LONP1: variants seen among roughly 807,000 people sequenced by gnomAD.
LONP1 encodes lon peptidase 1, mitochondrial.
LONP1 carries 31 observed loss-of-function variants against 98.5 expected under a neutral mutation model. That is an observed-to-expected ratio of 0.31 (90% CI 0.24 to 0.42). LONP1 has a LOEUF of 0.42. Among genes scored for constraint, LONP1 ranks in the 20% least tolerant of loss-of-function variants. The pLI is 1.00. For synonymous variants in LONP1, 781 were observed against 594.7 expected, an observed-to-expected ratio of 1.31 and a Z score of -4.56; for missense variants, 1,336 against 1,350.6, an observed-to-expected ratio of 0.99 and a Z score of 0.17.
chr19:5,691,976 T>TCAGTTGTGGCCCAGACAGGGCCTGACATC lies in LONP1; in HGVS notation c.*55_*56insGATGTCAGGCCCTGTCTGGGCCACAACTG. On this transcript the variant is annotated 3_prime_UTR_variant, in exon 18 of 18. Coordinates refer to ENST00000360614, the MANE Select transcript of LONP1 (RefSeq NM_004793.4). ...GGTCCGGGCGCGCTCCCCACAGCGC[T>TCAGTTGTGGCCCAGACAGGGCCTGACATC]CAGTTCTGGCCCAGACAGGGCCTGA... The TCAGTTGTGGCCCAGACAGGGCCTGACATC allele has an allele frequency of 6.5e-7, 1 of 1,536,484 alleles. No individual in the cohort carries two copies.
intron 1 of LONP1, among the ~76,000 whole-genome samples, chr19:5,716,846 C>T (rs1212791056): frequency 2.0e-5 from 3 of 152,120 alleles, no homozygotes; most frequent in African/African-American, 7.2e-5. Context: ...CAGGCTAGAG[C>T]GCAGTGGAGC....
chr19:5,718,910 A>T (rs889795863), intron 1 of LONP1, among the ~76,000 whole-genome samples: 8 of 152,110 alleles, frequency 5.3e-5, no homozygotes. Flanking sequence ...ACGTGGTAGG[A>T]GGTCAAGAAC....
At chr19:5,701,813 C>T (rs1237601467) in intron 8 of LONP1, among the ~76,000 whole-genome samples, 1 of 151,206 alleles carries the variant, frequency 6.6e-6, no homozygotes, top group Non-Finnish European at 1.5e-5. Context: ...TGTGAGGAGC[C>T]CCTCTGCCTG....
At chr19:5,712,319 T>A (rs1372040421) in intron 3 of LONP1, 2 of 313,968 alleles carry the variant, frequency 6.4e-6, no homozygotes, top group Non-Finnish European at 1.2e-5. Flanking sequence ...TCGAAAACGG[T>A]GTCAGCCTGG....
chr19:5,694,335 C>T, intron 15 of LONP1, 52 bp downstream of exon 15: 3 of 1,599,140 alleles, frequency 1.9e-6, no homozygotes, highest in Non-Finnish European at 2.6e-6. Context: ...CCTGCTTGTT[C>T]TCGGGTAGAA....
intron 1 of LONP1, 104 bp downstream of exon 1, chr19:5,719,600 G>T: frequency 6.3e-7 from 1 of 1,575,084 alleles, no homozygotes. Flanking sequence ...GAAACTTCAT[G>T]TCTGAAAAAG....
chr19:5,718,601 A>C (rs2055363595), intron 1 of LONP1, among the ~76,000 whole-genome samples: 1 of 152,054 alleles, frequency 6.6e-6, no homozygotes, highest in Non-Finnish European at 1.5e-5. Flanking sequence ...TTTGTTTAGA[A>C]GAGTCTGGAG....
intron 9 of LONP1, among the ~76,000 whole-genome samples, chr19:5,699,805 G>A (rs1484136386): frequency 2.6e-5 from 4 of 151,796 alleles, no homozygotes; most frequent in Admixed American, 1.3e-4. Context: ...TGATCCACCC[G>A]CCTCGGCCTC....
At chr19:5,692,733 C>T (rs1393373181) in intron 17 of LONP1, among the ~76,000 whole-genome samples, 1 of 152,190 alleles carries the variant, frequency 6.6e-6, no homozygotes, top group Non-Finnish European at 1.5e-5. Flanking sequence ...CAATTTGCCT[C>T]CACCATTTTA....
intron 15 of LONP1, among the ~76,000 whole-genome samples, chr19:5,694,049 C>T (rs998410328): frequency 8.5e-5 from 13 of 152,222 alleles, no homozygotes; most frequent in Non-Finnish European, 2.9e-5. Context: ...TGCAGACAGA[C>T]ACAAGCCCTT....
At chr19:5,717,057 G>A (rs2055336551) in intron 1 of LONP1, among the ~76,000 whole-genome samples, 1 of 152,170 alleles carries the variant, frequency 6.6e-6, no homozygotes, top group Non-Finnish European at 1.5e-5. Context: ...GCCTCCCAAA[G>A]TGCTGGGATT....
chr19:5,692,293 G>T, intron 17 of LONP1, 85 bp from the exon 18 acceptor site: 1 of 1,354,928 alleles, frequency 7.4e-7, no homozygotes, highest in Non-Finnish European at 1.0e-6. Context: ...AGGGCTTCCT[G>T]GGGACCGGCG....
intron 17 of LONP1, 68 bp from the exon 18 acceptor site, chr19:5,692,276 G>C (rs1310350045): frequency 6.8e-7 from 1 of 1,471,242 alleles, no homozygotes. Flanking sequence ...TAACCTCCAG[G>C]AACGAAAGGG....
At chr19:5,706,581 T>G (rs762196671) in intron 7 of LONP1, among the ~76,000 whole-genome samples, 2 of 152,024 alleles carry the variant, frequency 1.3e-5, no homozygotes, top group Non-Finnish European at 2.9e-5. Context: ...CACTCCAGCC[T>G]AGGTGGCCGA....
intron 1 of LONP1, among the ~76,000 whole-genome samples, chr19:5,718,237 G>A (rs2055353142): frequency 6.6e-6 from 1 of 152,128 alleles, no homozygotes; most frequent in African/African-American, 2.4e-5. Context: ...CAGCACTTTG[G>A]GAGGCTGAGG....
intron 1 of LONP1, among the ~76,000 whole-genome samples, chr19:5,716,586 AAGTC>A (rs1190155014): frequency 6.6e-6 from 1 of 151,516 alleles, no homozygotes; most frequent in Non-Finnish European, 1.5e-5. Flanking sequence ...AGAAAAAAAA[AAGTC>A]AGTAACATCT....
chr19:5,706,079 C>T lies in LONP1; in HGVS notation c.1147-87G>A, dbSNP rs573347506. The T allele has an allele frequency of 4.9e-6, 4 of 821,256 alleles. No homozygotes were observed. In the East Asian group the frequency reaches 7.3e-5, roughly 15 times the overall value. 50.9% of individuals were successfully genotyped at this position (821,256 alleles called of 1,614,324 possible). ...CCCAGACGAAGGGGGACCCTCTGCT[C>T]CCCCAGGACTCAGAGAGAAAAGAAA... On this transcript the variant is annotated intron_variant, in intron 7 of 17. Transcript: ENST00000360614.
chr19:5,701,040 G>T, intron 8 of LONP1, 113 bp from the exon 9 acceptor site: 1 of 1,227,304 alleles, frequency 8.1e-7, no homozygotes, highest in Non-Finnish European at 1.2e-6. Flanking sequence ...GGGGCTGAGC[G>T]CGGTGGCTCA....
At position 5,696,536 on chromosome 19, in the gene LONP1, G is replaced by A. The variant is rs555209969; in HGVS notation, c.1773+134C>T. 1.0e-4 allele frequency: 128 copies of A among 1,280,142 alleles called. 1 individual carries two copies. Among genetic ancestry groups the A allele is most frequent in the Admixed American group, 3.5e-4 (16 of 45,532 alleles). 79.3% of individuals were successfully genotyped at this position (1,280,142 alleles called of 1,614,324 possible). A position where few individuals can be genotyped will look rare whatever the true frequency, so the allele number is the denominator to read the frequency against. On this transcript the variant is annotated intron_variant, in intron 11 of 17. Coordinates refer to ENST00000360614, the MANE Select transcript of LONP1 (RefSeq NM_004793.4). The stretch of plus-strand genomic sequence containing the variant: ...GCGTGGCTGTGGGTGGGAGGGACCC[G>A]TCCGTGCCATCAGGGCCAGCATCAC...
Sources: allele counts gnomAD v4.1 joint callset (sites outside exome capture counted in the v4.1 genomes callset), GRCh38; gene constraint gnomAD v4.1.1; transcripts MANE v1.5; gene names NCBI Gene and HGNC (gene_info 2026-07-23, HGNC 2026-07-21).